ESCO2: variants seen among roughly 807,000 people sequenced by gnomAD.
ESCO2 encodes N-acetyltransferase ESCO2.
In ESCO2, 51 loss-of-function variants were observed where a neutral mutation model predicts 61.7. That is an observed-to-expected ratio of 0.83 (90% CI 0.66 to 1.04). ESCO2 has a LOEUF of 1.04. Ranked by LOEUF, ESCO2 falls within the 50% of genes least tolerant of loss-of-function variation. ESCO2 has a pLI of 0.00. For synonymous variants in ESCO2, 230 were observed against 238.2 expected, an observed-to-expected ratio of 0.97 and a Z score of 0.32; for missense variants, 692 against 686.2, an observed-to-expected ratio of 1.01 and a Z score of -0.09.
At chr8:27,815,451 A>C (rs1223113991), downstream of ESCO2, among the ~76,000 whole-genome samples, 1 of 152,200 alleles carries the variant, frequency 6.6e-6, no homozygotes, top group Non-Finnish European at 1.5e-5. Context: ...GTAGCCATGG[A>C]CATTATAAGC....
chr8:27,817,205 C>A (rs976089218), downstream of ESCO2, among the ~76,000 whole-genome samples: 48 of 152,122 alleles, frequency 3.2e-4, no homozygotes, highest in African/African-American at 1.1e-3. Context: ...GTGAGAAAGC[C>A]AGATCAAATT....
chr8:27,780,327 A>G, intron 4 of ESCO2, 60 bp downstream of exon 4: 1 of 1,069,898 alleles, frequency 9.3e-7, no homozygotes, highest in South Asian at 1.3e-5. Context: ...CATACATTAT[A>G]CAATAATAAT....
rs556131964 is a variant in ESCO2 at position 27,785,475 on chromosome 8, G to A, written c.1013+1418G>A. On this transcript the variant is annotated intron_variant, in intron 5 of 10. Coordinates refer to ENST00000305188, the MANE Select transcript of ESCO2 (RefSeq NM_001017420.3). ...CCAGCACTTTGGGAGGCCGAGGTGG[G>A]TGGATCACCTGAGGTCTGGAGTTTG... Among the ~76,000 whole-genome samples, 14 of 152,304 alleles carry A rather than the reference G, an allele frequency of 9.2e-5. No homozygotes were observed. The South Asian group carries it at 2.7e-3, about 29-fold the overall frequency.
At chr8:27,782,475 G>A (rs1036680263) in intron 4 of ESCO2, among the ~76,000 whole-genome samples, 10 of 152,076 alleles carry the variant, frequency 6.6e-5, no homozygotes, top group Non-Finnish European at 1.2e-4. Context: ...CGTTGGGCAG[G>A]GTGGTCTCAA....
chr8:27,786,742 G>A (rs1024913974), intron 5 of ESCO2, among the ~76,000 whole-genome samples: 2 of 146,006 alleles, frequency 1.4e-5, no homozygotes, highest in Non-Finnish European at 3.0e-5. Flanking sequence ...ATGGTAAGAA[G>A]ATAGCTTGAC....
intron 7 of ESCO2, among the ~76,000 whole-genome samples, chr8:27,791,628 G>A (rs1805177443): frequency 6.6e-6 from 1 of 151,944 alleles, no homozygotes; most frequent in Non-Finnish European, 1.5e-5. Context: ...TCCCCTACCT[G>A]CCCACTGGTC....
At chr8:27,772,620 G>A (rs2128949851), upstream of ESCO2, 6 of 1,429,240 alleles carry the variant, frequency 4.2e-6, no homozygotes, top group Non-Finnish European at 5.8e-6. Context: ...GACTCGCGGC[G>A]GCCGCCTGGC....
downstream of ESCO2, chr8:27,810,974 A>C: frequency 6.3e-7 from 1 of 1,597,780 alleles, no homozygotes; most frequent in Non-Finnish European, 8.6e-7. Context: ...CATCATCATC[A>C]TTTGAAAGAT....
At chr8:27,772,281 CAT>C (rs1804652128), upstream of ESCO2, among the ~76,000 whole-genome samples, 1 of 152,230 alleles carries the variant, frequency 6.6e-6, no homozygotes, top group Admixed American at 6.5e-5. Flanking sequence ...CCGATACAAA[CAT>C]AGCAGTGGCA....
intron 10 of ESCO2, among the ~76,000 whole-genome samples, chr8:27,800,772 A>G (rs1805406085): frequency 6.6e-6 from 1 of 152,240 alleles, no homozygotes; most frequent in Non-Finnish European, 1.5e-5. Flanking sequence ...GCCATAAAGG[A>G]AATTCTGGCA....
downstream of ESCO2, among the ~76,000 whole-genome samples, chr8:27,813,905 A>AT (rs202164867): frequency 0.012 from 1,857 of 150,694 alleles, 48 homozygotes; most frequent in African/African-American, 0.042. Flanking sequence ...TTGGACTATG[A>AT]TTTTTTTTTC....
chr8:27,789,143 A>G (rs1426093215), intron 7 of ESCO2, among the ~76,000 whole-genome samples, 165 bp downstream of exon 7: 1 of 152,220 alleles, frequency 6.6e-6, no homozygotes, highest in East Asian at 1.9e-4. Flanking sequence ...CTGCATTCTG[A>G]GCAGAGCTGA....
intron 7 of ESCO2, among the ~76,000 whole-genome samples, chr8:27,790,365 A>G (rs1281361016): frequency 6.6e-6 from 1 of 152,172 alleles, no homozygotes; most frequent in Non-Finnish European, 1.5e-5. Context: ...ACATGATTCA[A>G]ATTTCACAGA....
At chr8:27,781,469 G>A (rs1804925907) in intron 4 of ESCO2, among the ~76,000 whole-genome samples, 1 of 151,914 alleles carries the variant, frequency 6.6e-6, no homozygotes. Context: ...AGTACAGAGA[G>A]TAGCAGTGTA....
upstream of ESCO2, chr8:27,772,630 C>G (rs921118235): frequency 3.6e-5 from 48 of 1,326,094 alleles, no homozygotes; most frequent in Admixed American, 3.4e-4. Context: ...GGCCGCCTGG[C>G]CCCCGGAACT....
downstream of ESCO2, chr8:27,810,991 G>A: frequency 6.2e-7 from 1 of 1,609,772 alleles, no homozygotes; most frequent in South Asian, 1.1e-5. Flanking sequence ...AGATTAATGT[G>A]TGGAATCGAT....
chr8:27,819,598 C>T, the ESCO2 span, among the ~76,000 whole-genome samples: 35 of 151,938 alleles, frequency 2.3e-4, no homozygotes, highest in African/African-American at 6.3e-4. Context: ...TTTTATAATT[C>T]GAAGTTTTTT....
chr8:27,801,968 C>CCTT (rs1805436474), intron 10 of ESCO2, among the ~76,000 whole-genome samples: 1 of 72,898 alleles, frequency 1.4e-5, no homozygotes, highest in East Asian at 4.8e-4. Context: ...TCCTTCATGG[C>CCTT]ATTTTTTTTT....
intron 4 of ESCO2, among the ~76,000 whole-genome samples, chr8:27,783,384 T>C (rs1585396009): frequency 6.6e-6 from 1 of 152,328 alleles, no homozygotes; most frequent in South Asian, 2.1e-4. Flanking sequence ...TGATCAGATA[T>C]ATGATTGCAA....
Sources: allele counts gnomAD v4.1 joint callset (sites outside exome capture counted in the v4.1 genomes callset), GRCh38; gene constraint gnomAD v4.1.1; transcripts MANE v1.5; gene names NCBI Gene and HGNC (gene_info 2026-07-23, HGNC 2026-07-21).